ERC2: variants seen among roughly 807,000 people sequenced by gnomAD.
ERC2 encodes the protein ERC protein 2.
In ERC2, 42 loss-of-function variants were observed where a neutral mutation model predicts 114.8. The ratio of observed to expected loss-of-function variants is 0.37; its 90% CI spans 0.29 to 0.47. The LOEUF is 0.47. Among genes scored for constraint, ERC2 ranks in the 20% least tolerant of loss-of-function variants. The probability of loss-of-function intolerance (pLI) is 0.99; values close to 1 mark genes in which losing one functional copy is unlikely to be tolerated. For synonymous variants in ERC2, 454 were observed against 425.5 expected, an observed-to-expected ratio of 1.07 and a Z score of -0.82; for missense variants, 939 against 1,150.7, an observed-to-expected ratio of 0.82 and a Z score of 2.66.
intron 15 of ERC2, among the ~76,000 whole-genome samples, chr3:55,733,359 C>T (rs1020325114): frequency 6.6e-6 from 1 of 151,976 alleles, no homozygotes; most frequent in Admixed American, 6.6e-5. Flanking sequence ...GACTGGGACC[C>T]TCCCTCTACA....
chr3:56,141,101 A>T (rs1457678069), intron 5 of ERC2, among the ~76,000 whole-genome samples: 2 of 152,238 alleles, frequency 1.3e-5, no homozygotes, highest in African/African-American at 4.8e-5. Context: ...AAGTATGCCA[A>T]CCACTCCACC....
At chr3:56,129,137 G>A in intron 6 of ERC2, among the ~76,000 whole-genome samples, 1 of 152,198 alleles carries the variant, frequency 6.6e-6, no homozygotes, top group Admixed American at 6.5e-5. Context: ...GACAAAAGGA[G>A]GAAAGTATAT....
chr3:56,032,929 A>C lies in ERC2; in HGVS notation c.1642-13898T>G, dbSNP rs13085015. Among the ~76,000 whole-genome samples the C allele has an allele frequency of 8.1e-4, 75 of 93,124 alleles. 1 individual carries two copies. Among genetic ancestry groups the C allele is most frequent in the Admixed American group, 1.3e-3 (10 of 7,536 alleles). The allele number at this position is 93,124 out of a possible 152,430, so 61.1% of individuals were successfully genotyped here. Reference sequence around the variant, plus strand: ...AAAGAAAGAAAGAAAGAAAGAAAGAAAGAAAGAAAGAAAGAAAGAAAGAAA... The same window carrying C: ...AAAGAAAGAAAGAAAGAAAGAAAGACAGAAAGAAAGAAAGAAAGAAAGAAA... On this transcript the variant is annotated intron_variant, in intron 7 of 17. Transcript: ENST00000288221.
chr3:56,285,034 C>CAT (rs1448030576), intron 3 of ERC2, among the ~76,000 whole-genome samples: 9 of 30,230 alleles, frequency 3.0e-4, no homozygotes, highest in South Asian at 1.5e-3. Context: ...CACACACATA[C>CAT]ACACACACAC....
intron 7 of ERC2, among the ~76,000 whole-genome samples, chr3:56,073,241 G>T (rs2076822389): frequency 6.6e-6 from 1 of 152,158 alleles, no homozygotes; most frequent in South Asian, 2.1e-4. Flanking sequence ...CAAGGCAGGG[G>T]GCCTAGAGAA....
chr3:56,233,605 C>T (rs924627018), intron 3 of ERC2, among the ~76,000 whole-genome samples: 2 of 151,134 alleles, frequency 1.3e-5, no homozygotes, highest in Non-Finnish European at 2.9e-5. Flanking sequence ...GATCACAAGA[C>T]TCCGTCTCAA....
chr3:55,583,342 TCTGCCTGC>T (rs560504811), intron 17 of ERC2, among the ~76,000 whole-genome samples: 321 of 149,016 alleles, frequency 2.2e-3, no homozygotes, highest in Non-Finnish European at 3.4e-3. Flanking sequence ...TGCCTGCCTG[TCTGCCTGC>T]CTGCCTGCCT....
intron 14 of ERC2, among the ~76,000 whole-genome samples, chr3:55,765,990 C>T (rs1321050992): frequency 1.3e-5 from 2 of 152,320 alleles, no homozygotes; most frequent in East Asian, 3.9e-4. Flanking sequence ...CTCAAGGATA[C>T]TGTACTCCAA....
At chr3:56,449,507 T>C (rs1458824475) in intron 1 of ERC2, among the ~76,000 whole-genome samples, 1 of 152,206 alleles carries the variant, frequency 6.6e-6, no homozygotes, top group Non-Finnish European at 1.5e-5. Context: ...CATGACATTT[T>C]CATCATATCA....
intron 4 of ERC2, among the ~76,000 whole-genome samples, chr3:56,162,844 G>T (rs1382980967): frequency 6.6e-6 from 1 of 151,840 alleles, no homozygotes; most frequent in African/African-American, 2.4e-5. Context: ...TTCTTTGTAT[G>T]CATTTTTGGG....
At chr3:56,025,226 C>T (rs1382218471) in intron 7 of ERC2, among the ~76,000 whole-genome samples, 1 of 152,164 alleles carries the variant, frequency 6.6e-6, no homozygotes, top group Admixed American at 6.5e-5. Flanking sequence ...AGTACAGGGC[C>T]TACCAAACCA....
intron 14 of ERC2, among the ~76,000 whole-genome samples, chr3:55,739,009 T>C (rs2065815147): frequency 6.6e-6 from 1 of 152,036 alleles, no homozygotes; most frequent in South Asian, 2.1e-4. Flanking sequence ...GAACATGCAG[T>C]GTTTGGTTTT....
chr3:55,709,656 C>T (rs1188991704), intron 15 of ERC2, among the ~76,000 whole-genome samples: 1 of 152,204 alleles, frequency 6.6e-6, no homozygotes, highest in Non-Finnish European at 1.5e-5. Context: ...TGGGCCTGCT[C>T]CCAGTTCTAA....
At chr3:56,008,495 T>A (rs1223173058) in intron 9 of ERC2, among the ~76,000 whole-genome samples, 1 of 152,180 alleles carries the variant, frequency 6.6e-6, no homozygotes, top group Non-Finnish European at 1.5e-5. Flanking sequence ...AAGGATATTA[T>A]AATCCAGTCA....
At chr3:56,175,316 TC>T (rs2082916514) in intron 3 of ERC2, among the ~76,000 whole-genome samples, 1 of 152,202 alleles carries the variant, frequency 6.6e-6, no homozygotes, top group Non-Finnish European at 1.5e-5. Flanking sequence ...TCCTAACTAT[TC>T]AAAATGCTCT....
intron 14 of ERC2, among the ~76,000 whole-genome samples, chr3:55,812,517 A>G (rs1215175068): frequency 1.3e-5 from 2 of 152,292 alleles, no homozygotes; most frequent in South Asian, 4.1e-4. Flanking sequence ...AGAATAAGAG[A>G]GTCACAATTA....
intron 14 of ERC2, among the ~76,000 whole-genome samples, chr3:55,799,307 T>C (rs2070780495): frequency 6.6e-6 from 1 of 151,484 alleles, no homozygotes; most frequent in Admixed American, 6.6e-5. Flanking sequence ...GATAGAAACA[T>C]TGTGTGTGTA....
intron 14 of ERC2, among the ~76,000 whole-genome samples, chr3:55,801,223 G>T (rs1026860874): frequency 3.3e-5 from 5 of 152,170 alleles, no homozygotes; most frequent in Admixed American, 3.3e-4. Context: ...CATACAAAGA[G>T]ATTTTCTTAA....
At chr3:56,022,906 G>T (rs941193568) in intron 7 of ERC2, among the ~76,000 whole-genome samples, 5 of 152,196 alleles carry the variant, frequency 3.3e-5, no homozygotes, top group Middle Eastern at 3.2e-3. Context: ...AGCCAGTACT[G>T]CTGAAGCAAT....
Sources: allele counts gnomAD v4.1 joint callset (sites outside exome capture counted in the v4.1 genomes callset), GRCh38; gene constraint gnomAD v4.1.1; transcripts MANE v1.5; gene names NCBI Gene and HGNC (gene_info 2026-07-23, HGNC 2026-07-21).